TRHDE: variants seen among roughly 807,000 people sequenced by gnomAD.
TRHDE encodes thyrotropin-releasing hormone-degrading ectoenzyme.
TRHDE carries 72 observed loss-of-function variants against 125.7 expected under a neutral mutation model. That is an observed-to-expected ratio of 0.57 (90% CI 0.47 to 0.70). The LOEUF is 0.70. TRHDE is among the 30% of genes least tolerant of loss of function. The pLI is 0.00. For missense variants in TRHDE, 1,110 were observed against 1,327.1 expected, an observed-to-expected ratio of 0.84 and a Z score of 2.54; for synonymous variants, 509 against 509.1, an observed-to-expected ratio of 1.00 and a Z score of 0.00.
At chr12:72,238,326 AT>A (rs372983074) in intron 2 of TRHDE, among the ~76,000 whole-genome samples, 3,417 of 41,240 alleles carry the variant, frequency 0.083, 621 homozygotes, top group Non-Finnish European at 0.11. Context: ...ATATATACAT[AT>A]ATATATACAC....
At chr12:72,631,382 GTT>G (rs1873488127) in intron 15 of TRHDE, among the ~76,000 whole-genome samples, 1 of 151,514 alleles carries the variant, frequency 6.6e-6, no homozygotes, top group East Asian at 1.9e-4. Flanking sequence ...AGGTTATTTT[GTT>G]TTGTTTTCAA....
intron 2 of TRHDE, among the ~76,000 whole-genome samples, chr12:72,251,557 A>G (rs931256189): frequency 2.6e-5 from 4 of 151,926 alleles, no homozygotes; most frequent in Admixed American, 2.6e-4. Flanking sequence ...TTGTTTAACC[A>G]TTCACCCATG....
chr12:72,647,543 T>G (rs1240757424), intron 15 of TRHDE, among the ~76,000 whole-genome samples: 1 of 151,818 alleles, frequency 6.6e-6, no homozygotes, highest in African/African-American at 2.4e-5. Context: ...ACTAGATTAA[T>G]TAATGAAAAA....
At chr12:72,390,946 T>C (rs911010920) in intron 3 of TRHDE, among the ~76,000 whole-genome samples, 2 of 152,146 alleles carry the variant, frequency 1.3e-5, no homozygotes, top group African/African-American at 4.8e-5. Flanking sequence ...TTGTCTAATA[T>C]AAAAGGCGAG....
intron 2 of TRHDE, among the ~76,000 whole-genome samples, chr12:72,194,551 T>C (rs993070334): frequency 2.6e-5 from 4 of 152,124 alleles, no homozygotes; most frequent in Admixed American, 6.6e-5. Flanking sequence ...TTTCCCCTGC[T>C]AGTAGTCCTG....
chr12:72,404,627 T>G (rs1873190192), intron 3 of TRHDE, among the ~76,000 whole-genome samples: 1 of 152,054 alleles, frequency 6.6e-6, no homozygotes, highest in Non-Finnish European at 1.5e-5. Context: ...GCAGGGAAAC[T>G]CCTCTTTATA....
At chr12:72,403,119 C>T (rs1362532524) in intron 3 of TRHDE, among the ~76,000 whole-genome samples, 3 of 152,158 alleles carry the variant, frequency 2.0e-5, no homozygotes, top group Admixed American at 1.3e-4. Context: ...CGCATACATA[C>T]ATGCACACAT....
In TRHDE at chr12:72,273,346, G is replaced by C. The variant is rs373496766; in HGVS notation, c.703G>C (p.Glu235Gln). 6.2e-7 allele frequency: 1 copy of C among 1,613,994 alleles called. No individual in the cohort carries two copies. Among genetic ancestry groups the C allele is most frequent in the African/African-American group, 1.3e-5 (1 of 74,940 alleles). Residue 235 changes from glutamate (E) to glutamine (Q), a missense_variant, in exon 1 of 19, where the codon GAG becomes CAG. Coordinates refer to ENST00000261180, the MANE Select transcript of TRHDE (RefSeq NM_013381.3). The surrounding 1 kb of genome is among the most constrained non-coding windows in gnomAD (Gnocchi z 5.3). Reference protein sequence around the residue: ...VVLHASRVAVEKVQLAEDRAF... With the variant: ...VVLHASRVAVQKVQLAEDRAF... ...GCTGCACGCTTCCCGAGTGGCGGTG[G>C]AGAAAGTGCAGCTGGCCGAGGACCG...
intron 7 of TRHDE, among the ~76,000 whole-genome samples, chr12:72,558,361 A>G (rs555288441): frequency 2.6e-5 from 4 of 152,346 alleles, no homozygotes; most frequent in Non-Finnish European, 5.9e-5. Flanking sequence ...AGAAAAGAAT[A>G]TGTAGAGAAT....
At chr12:72,131,310 G>A (rs1875859719) in intron 2 of TRHDE, among the ~76,000 whole-genome samples, 1 of 151,698 alleles carries the variant, frequency 6.6e-6, no homozygotes, top group African/African-American at 2.4e-5. Flanking sequence ...CTGACCTTGT[G>A]ATCCGCCCGC....
intron 18 of TRHDE, among the ~76,000 whole-genome samples, chr12:72,661,267 A>G (rs918799216): frequency 1.3e-5 from 2 of 152,098 alleles, no homozygotes; most frequent in African/African-American, 2.4e-5. Context: ...AGGACTTAAG[A>G]GTTTTACTTT....
At chr12:72,245,735 ATATG>A (rs1373827686) in intron 2 of TRHDE, among the ~76,000 whole-genome samples, 1 of 152,118 alleles carries the variant, frequency 6.6e-6, no homozygotes, top group Non-Finnish European at 1.5e-5. Flanking sequence ...ATATGTGCAT[ATATG>A]TATGTATGTA....
chr12:72,128,518 A>G (rs1875778331), intron 2 of TRHDE, among the ~76,000 whole-genome samples: 3 of 152,346 alleles, frequency 2.0e-5, no homozygotes, highest in African/African-American at 4.8e-5. Flanking sequence ...AGACAAGGAC[A>G]TTAAAGCAAT....
chr12:72,527,511 G>A (rs539007895), intron 6 of TRHDE, among the ~76,000 whole-genome samples: 2 of 151,776 alleles, frequency 1.3e-5, no homozygotes, highest in South Asian at 4.2e-4. Flanking sequence ...GCCATCAGAG[G>A]CAGGGGACCA....
At chr12:72,120,567 A>T (rs1875554293) in intron 2 of TRHDE, among the ~76,000 whole-genome samples, 1 of 151,818 alleles carries the variant, frequency 6.6e-6, no homozygotes, top group African/African-American at 2.4e-5. Context: ...ATAACCCATT[A>T]TTTTAAGCTA....
At chr12:72,102,276 G>A (rs971170144) in intron 1 of TRHDE, among the ~76,000 whole-genome samples, 20 of 152,146 alleles carry the variant, frequency 1.3e-4, no homozygotes, top group Admixed American at 1.2e-3. Context: ...GAGGGTGACA[G>A]AGGGACATGC....
At chr12:72,091,649 C>T (rs1276067338) in intron 1 of TRHDE, among the ~76,000 whole-genome samples, 2 of 152,146 alleles carry the variant, frequency 1.3e-5, no homozygotes, top group African/African-American at 4.8e-5. Flanking sequence ...GTGATCAACT[C>T]AGTATACCAC....
At chr12:72,654,645 T>C (rs1207796489) in intron 17 of TRHDE, among the ~76,000 whole-genome samples, 1 of 152,194 alleles carries the variant, frequency 6.6e-6, no homozygotes, top group East Asian at 1.9e-4. Context: ...CAGTAAATCT[T>C]GTAGCCATCC....
At chr12:72,324,306 T>A (rs1354863648) in intron 2 of TRHDE, among the ~76,000 whole-genome samples, 1 of 152,112 alleles carries the variant, frequency 6.6e-6, no homozygotes, top group African/African-American at 2.4e-5. Context: ...GAGCCAGGAC[T>A]AGAACCTTGG....
Sources: allele counts gnomAD v4.1 joint callset (sites outside exome capture counted in the v4.1 genomes callset), GRCh38; gene constraint gnomAD v4.1.1; non-coding constraint Gnocchi (gnomAD v3.1); transcripts MANE v1.5; gene names NCBI Gene and HGNC (gene_info 2026-07-23, HGNC 2026-07-21).